The following EPHA3 variants were observed in gnomAD, a reference collection of about 807,000 sequenced individuals.
EPHA3 encodes the protein ephrin type-A receptor 3.
Under a neutral mutation model 107.1 loss-of-function variants are expected in EPHA3, and 42 were observed. That is an observed-to-expected ratio of 0.39 (90% CI 0.31 to 0.51). EPHA3 has a LOEUF of 0.51. EPHA3 is among the 20% of genes least tolerant of loss of function. The pLI is 0.78. For missense variants in EPHA3, 1,183 were observed against 1,211.2 expected, an observed-to-expected ratio of 0.98 and a Z score of 0.35; for synonymous variants, 461 against 424.8, an observed-to-expected ratio of 1.09 and a Z score of -1.05.
intron 2 of EPHA3, among the ~76,000 whole-genome samples, chr3:89,177,084 G>A (rs1015939063): frequency 6.6e-5 from 10 of 152,032 alleles, no homozygotes; most frequent in African/African-American, 2.4e-4. Context: ...GCGTGTGTGT[G>A]TGTGTGTGCA....
intron 2 of EPHA3, among the ~76,000 whole-genome samples, chr3:89,198,567 G>C (rs902710754): frequency 1.3e-5 from 2 of 151,996 alleles, no homozygotes; most frequent in African/African-American, 4.8e-5. Context: ...CAGTAGAAGG[G>C]GTCTCTGTAG....
intron 9 of EPHA3, 129 bp downstream of exon 9, chr3:89,408,260 T>C (rs2107517432): frequency 1.3e-6 from 1 of 791,842 alleles, no homozygotes; most frequent in Non-Finnish European, 2.1e-6. Flanking sequence ...ACTGAGTACA[T>C]TAAATTTATT....
intron 5 of EPHA3, among the ~76,000 whole-genome samples, chr3:89,365,180 G>A (rs983730413): frequency 1.3e-5 from 2 of 150,738 alleles, no homozygotes; most frequent in East Asian, 1.9e-4. Context: ...TGGGGTTTGA[G>A]GTGGACAATA....
intron 12 of EPHA3, among the ~76,000 whole-genome samples, chr3:89,430,520 C>T (rs1576373983): frequency 1.3e-5 from 2 of 152,076 alleles, no homozygotes; most frequent in South Asian, 2.1e-4. Context: ...TATATAAATA[C>T]ATTATCTATA....
chr3:89,308,656 G>A (rs1358920504), intron 3 of EPHA3, among the ~76,000 whole-genome samples: 1 of 151,578 alleles, frequency 6.6e-6, no homozygotes, highest in East Asian at 1.9e-4. Context: ...TTTGAGTAGA[G>A]AAATGACATT....
intron 3 of EPHA3, among the ~76,000 whole-genome samples, chr3:89,301,704 A>T (rs1706494160): frequency 6.6e-6 from 1 of 152,130 alleles, no homozygotes; most frequent in African/African-American, 2.4e-5. Flanking sequence ...ACTTATTTGG[A>T]GTTGCAATCC....
In EPHA3 at chr3:89,479,410, G is replaced by T. The variant is rs776665976; in HGVS notation, c.2860G>T (p.Val954Phe). The T allele has an allele frequency of 6.2e-7, 1 of 1,613,896 alleles. No individual in the cohort carries two copies. The highest frequency in any genetic ancestry group is 8.5e-7 in the Non-Finnish European group (1 of 1,179,766). ...AKISTDDMKK[V>F]GVTVVGPQKK... ...CTTTTTTTACAGTGACATGAAAAAGGTTGGTGTCACCGTGGTTGGGCCACA... is the reference window on the plus strand; with the variant it reads ...CTTTTTTTACAGTGACATGAAAAAGTTTGGTGTCACCGTGGTTGGGCCACA... Residue 954 changes from valine (V) to phenylalanine (F), a missense_variant, in exon 17 of 17, where the codon GTT becomes TTT. Transcript: ENST00000336596.
intron 3 of EPHA3, among the ~76,000 whole-genome samples, chr3:89,232,877 G>A (rs937174544): frequency 6.6e-6 from 1 of 152,082 alleles, no homozygotes; most frequent in African/African-American, 2.4e-5. Context: ...AAGATAACAG[G>A]CAATGAACTT....
At chr3:89,354,762 CA>C (rs1707908032) in intron 5 of EPHA3, among the ~76,000 whole-genome samples, 1 of 151,140 alleles carries the variant, frequency 6.6e-6, no homozygotes, top group African/African-American at 2.4e-5. Context: ...TTCAATCTTA[CA>C]ACAATTTTAT....
At chr3:89,246,251 A>T (rs565000850) in intron 3 of EPHA3, among the ~76,000 whole-genome samples, 1 of 152,328 alleles carries the variant, frequency 6.6e-6, no homozygotes, top group Admixed American at 6.5e-5. Flanking sequence ...CTTGAAGTTT[A>T]TATTTTATTT....
intron 2 of EPHA3, among the ~76,000 whole-genome samples, chr3:89,166,249 T>C (rs1177345835): frequency 6.6e-6 from 1 of 152,190 alleles, no homozygotes; most frequent in East Asian, 1.9e-4. Context: ...TATCAAAATT[T>C]GTAATTATTT....
chr3:89,227,267 A>T (rs1159101427), intron 3 of EPHA3, among the ~76,000 whole-genome samples: 1 of 152,020 alleles, frequency 6.6e-6, no homozygotes, highest in Non-Finnish European at 1.5e-5. Flanking sequence ...CAAAATGTTT[A>T]ATCATTTTTA....
chr3:89,194,681 A>AT (rs1342518772), intron 2 of EPHA3, among the ~76,000 whole-genome samples: 1 of 152,034 alleles, frequency 6.6e-6, no homozygotes, highest in African/African-American at 2.4e-5. Flanking sequence ...AAATACATGT[A>AT]TTTTTTATAG....
At chr3:89,217,521 T>A (rs1704248529) in intron 3 of EPHA3, among the ~76,000 whole-genome samples, 1 of 152,178 alleles carries the variant, frequency 6.6e-6, no homozygotes, top group Non-Finnish European at 1.5e-5. Flanking sequence ...AACGTGGACA[T>A]CTAATCGCAG....
chr3:89,175,892 ATTAGAG>A (rs1705310883), intron 2 of EPHA3, among the ~76,000 whole-genome samples: 1 of 152,110 alleles, frequency 6.6e-6, no homozygotes, highest in African/African-American at 2.4e-5. Flanking sequence ...CCTCCTTCTG[ATTAGAG>A]TTATTCTGTT....
At chr3:89,214,735 A>G (rs955519799) in intron 3 of EPHA3, among the ~76,000 whole-genome samples, 2 of 151,774 alleles carry the variant, frequency 1.3e-5, no homozygotes, top group Non-Finnish European at 2.9e-5. Flanking sequence ...TATTGGACTC[A>G]GTCTCTTTTT....
At chr3:89,353,905 A>G (rs915876722) in intron 5 of EPHA3, among the ~76,000 whole-genome samples, 3 of 151,350 alleles carry the variant, frequency 2.0e-5, no homozygotes, top group African/African-American at 7.3e-5. Flanking sequence ...ATACGACTCT[A>G]ATTAATGGAG....
chr3:89,286,013 A>G (rs1395073214), intron 3 of EPHA3, among the ~76,000 whole-genome samples: 1 of 152,058 alleles, frequency 6.6e-6, no homozygotes, highest in Non-Finnish European at 1.5e-5. Context: ...TTGTTAGTTC[A>G]GTCCCTTGAT....
intron 15 of EPHA3, among the ~76,000 whole-genome samples, chr3:89,455,031 GA>G (rs1354444879): frequency 2.0e-5 from 3 of 152,082 alleles, no homozygotes; most frequent in East Asian, 3.9e-4. Flanking sequence ...AGAAAATTTT[GA>G]AAAGTCTTGC....
Sources: gnomAD v4.1 joint callset for allele counts (sites outside exome capture counted in the v4.1 genomes callset) on GRCh38, gnomAD v4.1.1 for gene constraint, MANE v1.5 for transcripts, NCBI Gene and HGNC (gene_info 2026-07-23, HGNC 2026-07-21) for gene names.